The following SPAG16 variants were observed in gnomAD, a reference collection of about 807,000 sequenced individuals.
SPAG16 encodes sperm-associated antigen 16 protein.
A neutral mutation model predicts 80.4 loss-of-function variants in SPAG16; 86 were observed. The observed-to-expected ratio is 1.07, with a 90% CI of 0.90 to 1.28. The LOEUF (loss-of-function observed/expected upper bound fraction) is 1.28, where lower values mean the gene tolerates loss of function less well. Ranked by LOEUF, SPAG16 falls within the 50% of genes most tolerant of loss-of-function variation. The pLI is 0.00. For missense variants in SPAG16, 870 were observed against 765.3 expected (o/e 1.14, Z -1.61); for synonymous variants, 294 against 265.9 (o/e 1.11, Z -1.03).
At chr2:213,638,994 A>G (rs1231214269) in intron 10 of SPAG16, among the ~76,000 whole-genome samples, 6 of 152,134 alleles carry the variant, frequency 3.9e-5, no homozygotes, top group Non-Finnish European at 1.5e-5. Context: ...ATTTTTATAT[A>G]ATGTTCCTCT....
chr2:213,980,862 T>C (rs2045711570), intron 12 of SPAG16, among the ~76,000 whole-genome samples: 1 of 147,702 alleles, frequency 6.8e-6, no homozygotes, highest in Non-Finnish European at 1.5e-5. Flanking sequence ...TGAGCCGAGA[T>C]CACACCACTG....
intron 9 of SPAG16, among the ~76,000 whole-genome samples, chr2:213,394,119 A>G (rs1220798167): frequency 1.3e-5 from 2 of 152,076 alleles, no homozygotes; most frequent in Non-Finnish European, 2.9e-5. Flanking sequence ...GATAGCACTT[A>G]CTGTCATTTG....
chr2:213,496,410 GA>G (rs1430903240), intron 10 of SPAG16, among the ~76,000 whole-genome samples: 1 of 152,102 alleles, frequency 6.6e-6, no homozygotes, highest in Non-Finnish European at 1.5e-5. Context: ...TTAAATGATT[GA>G]TGGTAATTAA....
intron 15 of SPAG16, among the ~76,000 whole-genome samples, chr2:214,293,449 C>T (rs1368919443): frequency 2.0e-5 from 3 of 152,146 alleles, no homozygotes; most frequent in Non-Finnish European, 4.4e-5. Flanking sequence ...CTGGTAATCC[C>T]TAGGCCTTTG....
intron 14 of SPAG16, among the ~76,000 whole-genome samples, chr2:214,143,438 T>C (rs1261549117): frequency 1.3e-5 from 2 of 151,978 alleles, no homozygotes; most frequent in Non-Finnish European, 2.9e-5. Context: ...ATATATTTAG[T>C]TTTATATTAT....
At chr2:213,834,094 T>C (rs2073951050) in intron 10 of SPAG16, among the ~76,000 whole-genome samples, 1 of 152,136 alleles carries the variant, frequency 6.6e-6, no homozygotes, top group South Asian at 2.1e-4. Context: ...TTTCTGCTTT[T>C]GCTTCTTCCT....
intron 5 of SPAG16, among the ~76,000 whole-genome samples, chr2:213,320,141 A>G (rs1304542084): frequency 6.6e-6 from 1 of 151,952 alleles, no homozygotes; most frequent in African/African-American, 2.4e-5. Context: ...GCTTCCTTAT[A>G]GCCTGGTTCT....
intron 14 of SPAG16, among the ~76,000 whole-genome samples, chr2:214,108,468 CA>C (rs1559802942): frequency 9.0e-5 from 8 of 89,134 alleles, no homozygotes; most frequent in African/African-American, 3.7e-4. Flanking sequence ...CACACACACA[CA>C]CACACACACA....
chr2:213,384,932 AT>A (rs746861864), intron 9 of SPAG16, among the ~76,000 whole-genome samples: 41 of 152,058 alleles, frequency 2.7e-4, no homozygotes, highest in Non-Finnish European at 5.4e-4. Context: ...CTTTTCCATA[AT>A]TGTGCCCATC....
intron 9 of SPAG16, among the ~76,000 whole-genome samples, chr2:213,403,881 A>T (rs1322900037): frequency 6.6e-6 from 1 of 152,184 alleles, no homozygotes; most frequent in Non-Finnish European, 1.5e-5. Flanking sequence ...AAATCAATGT[A>T]CAAAAATCAC....
At position 213,698,897 on chromosome 2, in the gene SPAG16, T is replaced by C. The variant is rs535099355; in HGVS notation, c.1071-163588T>C. 3.3e-5 allele frequency among the ~76,000 whole-genome samples: 5 copies of C among 152,342 alleles called. No homozygotes were observed. The East Asian group carries it at 7.7e-4, about 23-fold the overall frequency. On this transcript the variant is annotated intron_variant, in intron 10 of 15. Coordinates refer to ENST00000331683, the MANE Select transcript of SPAG16 (RefSeq NM_024532.5). ...AATGTGTAAAACAGTATAAACCCAC[T>C]AAACTGTATTAATTAAATGAGATAA...
At chr2:213,786,926 G>T (rs2556340) in intron 10 of SPAG16, among the ~76,000 whole-genome samples, 8,082 of 152,154 alleles carry the variant, frequency 0.053, 725 homozygotes, top group African/African-American at 0.18. Flanking sequence ...ATAATTTCAT[G>T]TGGAAAGTGA....
rs1048964695 is a variant in SPAG16, at chr2:213,423,147, C to A, written c.942+48028C>A. On this transcript the variant is annotated intron_variant, in intron 9 of 15. Coordinates refer to ENST00000331683, the MANE Select transcript of SPAG16 (RefSeq NM_024532.5). ...ATTCTTCTCTCTGGATTGTGTTAAC[C>A]AGGACCAAATGATCTCTTATTTTAT... Among the ~76,000 whole-genome samples, 4 of 152,154 alleles carry A rather than the reference C, an allele frequency of 2.6e-5. No individual in the cohort carries two copies. In the South Asian group the frequency reaches 6.2e-4, roughly 24 times the overall value.
At chr2:213,317,852 A>T in intron 5 of SPAG16, 1 of 434,706 alleles carries the variant, frequency 2.3e-6, no homozygotes, top group Non-Finnish European at 3.1e-6. Flanking sequence ...GTTGGGGGCT[A>T]TTGATAATGG....
intron 13 of SPAG16, among the ~76,000 whole-genome samples, chr2:214,039,228 C>T (rs1026454602): frequency 3.9e-5 from 6 of 152,204 alleles, no homozygotes; most frequent in South Asian, 2.1e-4. Context: ...TTTTAATGAT[C>T]GCCATTCTAA....
intron 12 of SPAG16, among the ~76,000 whole-genome samples, chr2:213,969,713 C>T (rs1434033844): frequency 3.3e-5 from 5 of 151,986 alleles, no homozygotes; most frequent in Admixed American, 2.6e-4. Flanking sequence ...ATCATATAAT[C>T]CCAGGTATTT....
chr2:213,821,773 T>G (rs1261062633), intron 10 of SPAG16, among the ~76,000 whole-genome samples: 6 of 152,202 alleles, frequency 3.9e-5, no homozygotes, highest in Non-Finnish European at 2.9e-5. Flanking sequence ...TTATTTTAAC[T>G]TTTAGCTCTC....
At chr2:213,523,528 G>A (rs888600497) in intron 10 of SPAG16, among the ~76,000 whole-genome samples, 2 of 152,204 alleles carry the variant, frequency 1.3e-5, no homozygotes, top group African/African-American at 2.4e-5. Context: ...AGTTTGGAGG[G>A]CTCAGAAGAA....
intron 13 of SPAG16, among the ~76,000 whole-genome samples, chr2:214,023,370 ATT>A (rs1366229571): frequency 1.3e-5 from 2 of 151,540 alleles, no homozygotes; most frequent in Non-Finnish European, 3.0e-5. Flanking sequence ...GAGGAGTAGT[ATT>A]TGAGTGGCTA....
Sources: gnomAD v4.1 joint callset for allele counts (sites outside exome capture counted in the v4.1 genomes callset) on GRCh38, gnomAD v4.1.1 for gene constraint, MANE v1.5 for transcripts, NCBI Gene and HGNC (gene_info 2026-07-23, HGNC 2026-07-21) for gene names.